The following SPHKAP variants were observed in gnomAD, a reference collection of about 807,000 sequenced individuals.
The protein encoded by SPHKAP is SPHK1 interactor, AKAP domain containing, also known as A-kinase anchor protein SPHKAP.
SPHKAP carries 67 observed loss-of-function variants against 137.5 expected under a neutral mutation model. The ratio of observed to expected loss-of-function variants is 0.49; its 90% confidence interval spans 0.40 to 0.60. SPHKAP has a LOEUF of 0.60. Ranked by LOEUF, SPHKAP falls within the 20% of genes least tolerant of loss-of-function variation. SPHKAP has a pLI of 0.00. For missense variants in SPHKAP, 2,097 were observed against 2,069.3 expected (o/e 1.01, Z -0.26); for synonymous variants, 813 against 785.3 (o/e 1.04, Z -0.59).
intron 3 of SPHKAP, among the ~76,000 whole-genome samples, chr2:228,045,533 G>C (rs1574794905): frequency 6.6e-6 from 1 of 151,920 alleles, no homozygotes; most frequent in East Asian, 1.9e-4. Context: ...TCACTCATAG[G>C]TGGGAATTGA....
chr2:228,131,205 TTG>T, intron 2 of SPHKAP: 1 of 698,278 alleles, frequency 1.4e-6, no homozygotes, highest in Non-Finnish European at 1.8e-6. Context: ...GTAACAGCAT[TTG>T]TGTTAATTTA....
At chr2:228,010,806 C>G (rs181873839) in intron 7 of SPHKAP, among the ~76,000 whole-genome samples, 1 of 152,022 alleles carries the variant, frequency 6.6e-6, no homozygotes, top group Non-Finnish European at 1.5e-5. Context: ...TTTTGTATGT[C>G]TCATTTTTTC....
chr2:227,982,205 G>A, intron 11 of SPHKAP: 1 of 985,024 alleles, frequency 1.0e-6, no homozygotes, highest in Non-Finnish European at 1.2e-6. Context: ...TTCTGTAATA[G>A]GATTGTGTAT....
Position 228,181,629 on chromosome 2 carries a change from A to C in SPHKAP, c.-31T>G, listed in dbSNP as rs768475714. 3 of 1,614,012 alleles carry C rather than the reference A, an allele frequency of 1.9e-6. No individual in the cohort carries two copies. The Middle Eastern group carries it at 4.9e-4, about 266-fold the overall frequency. ...GTGGGCGCCCAGAGAAGAAAGACGG[A>C]AAGTGCAGGCGAAGGATAAGTCTGT... On this transcript the variant is annotated 5_prime_UTR_variant, in exon 1 of 12. Transcript: ENST00000392056. This position sits in a 1 kb window ranked among gnomAD's most constrained non-coding sequence, Gnocchi z 4.3.
chr2:228,120,343 T>C (rs1295341799), intron 2 of SPHKAP, among the ~76,000 whole-genome samples: 2 of 152,198 alleles, frequency 1.3e-5, no homozygotes, highest in Non-Finnish European at 2.9e-5. Flanking sequence ...AGTTTGCTTC[T>C]GGTAAATAAA....
In SPHKAP at chr2:228,017,462, C is replaced by T. The variant is rs370968739; in HGVS notation, c.3392G>A (p.Arg1131Lys). 1.2e-6 allele frequency: 2 copies of T among 1,613,852 alleles called. No individual in the cohort carries two copies. Among genetic ancestry groups the T allele is most frequent in the Admixed American group, 1.7e-5 (1 of 60,024 alleles). The change falls in exon 7 of 12, where the codon AGG becomes AAG. Residue 1131 changes from arginine to lysine, a missense_variant. Transcript: ENST00000392056. ...ATTTTCCATCTGGTTCACCATGAACCTGGAAAACTCATCGGTGATGCTCTC... is the reference window on the plus strand; with the variant it reads ...ATTTTCCATCTGGTTCACCATGAACTTGGAAAACTCATCGGTGATGCTCTC... ...SCESITDEFS[R>K]FMVNQMENEG...
intron 3 of SPHKAP, among the ~76,000 whole-genome samples, chr2:228,029,888 T>A (rs1474672197): frequency 6.6e-6 from 1 of 152,162 alleles, no homozygotes; most frequent in East Asian, 1.9e-4. Flanking sequence ...ACAAAGCTTT[T>A]ATTATCATGC....
chr2:228,162,227 A>G (rs778361817), intron 1 of SPHKAP, among the ~76,000 whole-genome samples: 17 of 152,192 alleles, frequency 1.1e-4, no homozygotes, highest in Non-Finnish European at 2.2e-4. Flanking sequence ...TTGGAGAAAC[A>G]GGTTGATCTC....
At chr2:228,062,646 T>A (rs1332660495) in intron 3 of SPHKAP, among the ~76,000 whole-genome samples, 1 of 151,898 alleles carries the variant, frequency 6.6e-6, no homozygotes, top group East Asian at 1.9e-4. Context: ...TTTAAAAAAA[T>A]TGGTAGAGAG....
At chr2:228,144,384 A>G (rs1020852007) in intron 1 of SPHKAP, among the ~76,000 whole-genome samples, 7 of 152,210 alleles carry the variant, frequency 4.6e-5, no homozygotes, top group African/African-American at 1.4e-4. Flanking sequence ...GTTCCAGTCC[A>G]AGAATAATGC....
At chr2:228,001,456 A>AATATATACGTATATATAAAAAT (rs1283868908) in intron 7 of SPHKAP, among the ~76,000 whole-genome samples, 6 of 142,722 alleles carry the variant, frequency 4.2e-5, no homozygotes, top group Non-Finnish European at 9.1e-5. Context: ...TATATATACG[A>AATATATACGTATATATAAAAAT]ATATATACGT....
intron 2 of SPHKAP, among the ~76,000 whole-genome samples, chr2:228,116,696 G>A (rs1199276995): frequency 6.6e-6 from 1 of 152,074 alleles, no homozygotes; most frequent in Non-Finnish European, 1.5e-5. Flanking sequence ...AAGTTTTATG[G>A]GCTTTTTGCC....
Position 228,027,679 on chromosome 2 carries a change from C to T in SPHKAP, c.247-136G>A, listed in dbSNP as rs913213567. On this transcript the variant is annotated intron_variant, in intron 3 of 11. Coordinates refer to ENST00000392056, the MANE Select transcript of SPHKAP (RefSeq NM_001142644.2). ...TTAGACAGTTTGGCATAGAAATAGT[C>T]ATTTCAGGGCGGGCGCAGTGGCTTA... 1.6e-5 allele frequency: 14 copies of T among 881,298 alleles called. No individual in the cohort carries two copies. In the South Asian group the frequency reaches 2.1e-4, roughly 13 times the overall value. The allele number at this position is 881,298 out of a possible 1,614,324, so 54.6% of individuals were successfully genotyped here.
At chr2:228,001,923 T>C (rs1318496519) in intron 7 of SPHKAP, among the ~76,000 whole-genome samples, 1 of 152,204 alleles carries the variant, frequency 6.6e-6, no homozygotes, top group Non-Finnish European at 1.5e-5. Flanking sequence ...GGCTGCATAG[T>C]ATTCCATAGT....
chr2:228,005,591 T>A (rs565945356), intron 7 of SPHKAP, among the ~76,000 whole-genome samples: 17 of 152,348 alleles, frequency 1.1e-4, no homozygotes, highest in Non-Finnish European at 2.2e-4. Flanking sequence ...ATCATGTCTT[T>A]ATGATGTTAG....
chr2:228,121,046 T>A (rs772482674), intron 2 of SPHKAP, among the ~76,000 whole-genome samples: 4 of 152,176 alleles, frequency 2.6e-5, no homozygotes, highest in Non-Finnish European at 4.4e-5. Context: ...AACACACATG[T>A]AGGAAAATAT....
chr2:228,032,615 G>C (rs1223687643), intron 3 of SPHKAP, among the ~76,000 whole-genome samples: 1 of 152,090 alleles, frequency 6.6e-6, no homozygotes, highest in African/African-American at 2.4e-5. Context: ...AAATGTTAAG[G>C]GCAGCCAGAG....
chr2:228,078,118 C>A (rs1481984026), intron 3 of SPHKAP, among the ~76,000 whole-genome samples: 1 of 152,152 alleles, frequency 6.6e-6, no homozygotes, highest in Non-Finnish European at 1.5e-5. Flanking sequence ...GTCCAATAAA[C>A]CCTTTTTCCT....
intron 3 of SPHKAP, among the ~76,000 whole-genome samples, chr2:228,102,145 T>G (rs975575035): frequency 6.6e-6 from 1 of 152,230 alleles, no homozygotes; most frequent in Non-Finnish European, 1.5e-5. Flanking sequence ...ATATGGCTTT[T>G]GCAAACTTTG....
Sources: allele counts gnomAD v4.1 joint callset (sites outside exome capture counted in the v4.1 genomes callset), GRCh38; gene constraint gnomAD v4.1.1; non-coding constraint Gnocchi (gnomAD v3.1); transcripts MANE v1.5; gene names NCBI Gene and HGNC (gene_info 2026-07-23, HGNC 2026-07-21).